ARMH3: variants seen among roughly 807,000 people sequenced by gnomAD.
ARMH3 encodes armadillo like helical domain containing 3.
ARMH3 carries 60 observed loss-of-function variants against 99.1 expected under a neutral mutation model. The ratio of observed to expected loss-of-function variants is 0.61; its 90% CI spans 0.49 to 0.75. The LOEUF (loss-of-function observed/expected upper bound fraction) is 0.75, where lower values mean the gene tolerates loss of function less well. Among genes scored for constraint, ARMH3 ranks in the 30% least tolerant of loss-of-function variants. The probability of loss-of-function intolerance (pLI) is 0.00; values close to 1 mark genes in which losing one functional copy is unlikely to be tolerated. For synonymous variants in ARMH3, 285 were observed against 292.8 expected, an observed-to-expected ratio of 0.97 and a Z score of 0.27; for missense variants, 679 against 843.1, an observed-to-expected ratio of 0.81 and a Z score of 2.41.
At chr10:101,953,588 T>G (rs996727927) in intron 22 of ARMH3, among the ~76,000 whole-genome samples, 1 of 150,478 alleles carries the variant, frequency 6.6e-6, no homozygotes, top group African/African-American at 2.5e-5. Context: ...GAGCAAATAC[T>G]TCTCCAAAGA....
At chr10:101,892,279 T>C (rs1036346563) in intron 23 of ARMH3, among the ~76,000 whole-genome samples, 1 of 151,372 alleles carries the variant, frequency 6.6e-6, no homozygotes, top group African/African-American at 2.4e-5. Flanking sequence ...ACCTTGTCTC[T>C]ACAAAATAAA....
In ARMH3 at chr10:102,019,026, G is replaced by A. The variant is rs571079837; in HGVS notation, c.669+4451C>T. Among the ~76,000 whole-genome samples, 128 of 151,974 alleles carry A rather than the reference G, an allele frequency of 8.4e-4. 7 individuals carry two copies. Among genetic ancestry groups the A allele is most frequent in the Non-Finnish European group, 4.3e-4 (29 of 67,978 alleles). On this transcript the variant is annotated intron_variant, in intron 8 of 25. Transcript: ENST00000370033. The stretch of plus-strand genomic sequence containing the variant: ...CTTGATAATGACAATAAACGACTAT[G>A]TTACTGGTTTATGTATTTACTATAC...
intron 8 of ARMH3, among the ~76,000 whole-genome samples, chr10:102,018,538 A>T (rs1264941619): frequency 1.3e-5 from 2 of 152,168 alleles, no homozygotes; most frequent in African/African-American, 4.8e-5. Flanking sequence ...GAACTGAAAA[A>T]TCCCTATAAC....
At chr10:101,960,522 C>A (rs1244308007) in intron 20 of ARMH3, among the ~76,000 whole-genome samples, 4 of 152,122 alleles carry the variant, frequency 2.6e-5, no homozygotes, top group Admixed American at 2.0e-4. Context: ...CCCATTCCAC[C>A]CTCACCCCAA....
At chr10:101,891,385 G>C (rs1033155112) in intron 23 of ARMH3, among the ~76,000 whole-genome samples, 1 of 152,094 alleles carries the variant, frequency 6.6e-6, no homozygotes, top group African/African-American at 2.4e-5. Context: ...AATAGAGATG[G>C]GGTTTCACCA....
At chr10:102,015,844 T>C (rs891217211) in intron 8 of ARMH3, among the ~76,000 whole-genome samples, 3 of 152,236 alleles carry the variant, frequency 2.0e-5, no homozygotes, top group Non-Finnish European at 2.9e-5. Context: ...TCATCTAAAA[T>C]GCTTTAGGGC....
intron 20 of ARMH3, among the ~76,000 whole-genome samples, chr10:101,960,190 G>A (rs923610687): frequency 9.3e-5 from 14 of 151,318 alleles, no homozygotes; most frequent in African/African-American, 3.2e-4. Context: ...AAAAAAAAAA[G>A]AACTATCTAC....
At chr10:101,879,810 G>A (rs1456049278) in intron 24 of ARMH3, among the ~76,000 whole-genome samples, 3 of 152,104 alleles carry the variant, frequency 2.0e-5, no homozygotes, top group African/African-American at 7.2e-5. Flanking sequence ...CTGGTCCAGG[G>A]AAGACAGTGG....
intron 19 of ARMH3, among the ~76,000 whole-genome samples, chr10:101,975,913 A>G (rs368281803): frequency 7.5e-5 from 11 of 146,142 alleles, no homozygotes; most frequent in Admixed American, 6.8e-5. Flanking sequence ...CCAGCACTTT[A>G]GGAGGCCGAG....
At chr10:101,940,798 TCA>T (rs1202430291) in intron 22 of ARMH3, among the ~76,000 whole-genome samples, 2 of 152,014 alleles carry the variant, frequency 1.3e-5, no homozygotes, top group Non-Finnish European at 1.5e-5. Context: ...TTTTCCAAAC[TCA>T]CACAGAGAGG....
At chr10:101,852,801 G>A (rs1458487531) in intron 24 of ARMH3, among the ~76,000 whole-genome samples, 1 of 151,100 alleles carries the variant, frequency 6.6e-6, no homozygotes, top group African/African-American at 2.4e-5. Context: ...CCAGAAGCCT[G>A]GCTGGACTTA....
chr10:101,863,467 T>A (rs1181155141), intron 24 of ARMH3, among the ~76,000 whole-genome samples: 2 of 152,216 alleles, frequency 1.3e-5, no homozygotes, highest in Admixed American at 6.5e-5. Flanking sequence ...GTTTCCATAC[T>A]ACTTTCAGTA....
At chr10:101,905,860 A>G (rs922756290) in intron 23 of ARMH3, among the ~76,000 whole-genome samples, 1 of 152,232 alleles carries the variant, frequency 6.6e-6, no homozygotes, top group African/African-American at 2.4e-5. Context: ...CTAATTGTAG[A>G]AAGAATTATA....
At chr10:101,971,208 G>A (rs918650600) in intron 20 of ARMH3, among the ~76,000 whole-genome samples, 1 of 151,982 alleles carries the variant, frequency 6.6e-6, no homozygotes, top group Non-Finnish European at 1.5e-5. Context: ...GAACAAAATG[G>A]TCTATAGCCT....
At position 101,927,419 on chromosome 10, in the gene ARMH3, C is replaced by G. The variant is rs116786720; in HGVS notation, c.1781+12444G>C. The stretch of plus-strand genomic sequence containing the variant: ...TGGGACCAAGAGCTATAATATTCTG[C>G]AGCAAACTGCCAATCATCCATTTCT... On this transcript the variant is annotated intron_variant, in intron 23 of 25. Coordinates refer to ENST00000370033, the MANE Select transcript of ARMH3 (RefSeq NM_024541.3). Among the ~76,000 whole-genome samples, 1,430 of 152,276 alleles carry G rather than the reference C, an allele frequency of 9.4e-3. 18 individuals carry two copies. The highest frequency in any genetic ancestry group is 0.033 in the African/African-American group (1,356 of 41,544).
At chr10:101,926,532 T>C (rs1249549353) in intron 23 of ARMH3, among the ~76,000 whole-genome samples, 1 of 152,100 alleles carries the variant, frequency 6.6e-6, no homozygotes, top group Non-Finnish European at 1.5e-5. Flanking sequence ...GGGAAAGATA[T>C]GTGGAGAGGG....
chr10:101,949,426 C>T (rs1207585289), intron 22 of ARMH3, among the ~76,000 whole-genome samples: 1 of 151,420 alleles, frequency 6.6e-6, no homozygotes, highest in East Asian at 1.9e-4. Context: ...ACCCTACAGA[C>T]ATTAAAAATG....
chr10:102,037,263 C>T, intron 2 of ARMH3, among the ~76,000 whole-genome samples: 1 of 149,014 alleles, frequency 6.7e-6, no homozygotes, highest in Non-Finnish European at 1.5e-5. Context: ...CTCACTGCAA[C>T]CTCTGCCTCC....
At chr10:101,997,567 G>A (rs1847118214) in intron 15 of ARMH3, among the ~76,000 whole-genome samples, 1 of 151,544 alleles carries the variant, frequency 6.6e-6, no homozygotes, top group Non-Finnish European at 1.5e-5. Context: ...ATTCCAGCCT[G>A]GCGACAGAGC....
Sources: gnomAD v4.1 joint callset for allele counts (sites outside exome capture counted in the v4.1 genomes callset) on GRCh38, gnomAD v4.1.1 for gene constraint, MANE v1.5 for transcripts, NCBI Gene and HGNC (gene_info 2026-07-23, HGNC 2026-07-21) for gene names.